Variants in EHHADH observed in about 807,000 individuals in gnomAD.
The protein encoded by EHHADH is peroxisomal bifunctional enzyme.
EHHADH carries 48 observed loss-of-function variants against 64.4 expected under a neutral mutation model. That is an observed-to-expected ratio of 0.75 (90% CI 0.59 to 0.95). EHHADH has a LOEUF of 0.95. Among genes scored for constraint, EHHADH ranks in the 40% least tolerant of loss-of-function variants. The pLI is 0.00. For missense variants in EHHADH, 854 were observed against 876.6 expected, an observed-to-expected ratio of 0.97 and a Z score of 0.33; for synonymous variants, 308 against 326.7, an observed-to-expected ratio of 0.94 and a Z score of 0.62.
chr3:185,245,983 A>G, intron 2 of EHHADH: 3 of 1,495,684 alleles, frequency 2.0e-6, no homozygotes, highest in Non-Finnish European at 1.9e-6. Flanking sequence ...ATGAGATACC[A>G]TCATCTTTTT....
chr3:185,225,091 C>A (rs920304285), intron 4 of EHHADH, among the ~76,000 whole-genome samples: 32 of 152,260 alleles, frequency 2.1e-4, no homozygotes, highest in Admixed American at 1.9e-3. Context: ...CTTAAAACAA[C>A]CATGTGGTTG....
Position 185,216,469 on chromosome 3 carries a change from A to G in EHHADH, c.568+1667T>C, listed in dbSNP as rs1718682683. On this transcript the variant is annotated intron_variant, in intron 5 of 6. Transcript: ENST00000231887. This position sits in a 1 kb window ranked among gnomAD's most constrained non-coding sequence, Gnocchi z 5.3. ...CTGTCAAGTGACTTCTAACAAAACA[A>G]TAAGCCCCCTCGGGAAGCACAATGA... Among the ~76,000 whole-genome samples the G allele has an allele frequency of 6.6e-6, 1 of 152,226 alleles. No homozygotes were observed.
intron 4 of EHHADH, among the ~76,000 whole-genome samples, chr3:185,229,087 C>T (rs986998640): frequency 1.3e-5 from 2 of 152,146 alleles, no homozygotes; most frequent in South Asian, 2.1e-4. Flanking sequence ...TGAGCCACTG[C>T]GTGCGGCCTA....
At chr3:185,237,279 T>G (rs751977236) in intron 2 of EHHADH, among the ~76,000 whole-genome samples, 34 of 152,224 alleles carry the variant, frequency 2.2e-4, no homozygotes, top group Non-Finnish European at 4.6e-4. Flanking sequence ...ATTATTTTGA[T>G]TTTTCTACAA....
chr3:185,220,090 G>T (rs1192162341), intron 4 of EHHADH, among the ~76,000 whole-genome samples: 2 of 152,068 alleles, frequency 1.3e-5, no homozygotes, highest in African/African-American at 4.8e-5. Context: ...ACACAAAATG[G>T]GACATGGAAA....
At position 185,248,448 on chromosome 3, in the gene EHHADH, A is replaced by C; in HGVS notation, c.144T>G (p.Ile48Met). 1.2e-6 allele frequency: 2 copies of C among 1,614,086 alleles called. No individual in the cohort carries two copies. Among genetic ancestry groups the C allele is most frequent in the Non-Finnish European group, 1.7e-6 (2 of 1,179,996 alleles). The change falls in exon 2 of 7, where the codon ATT becomes ATG. Residue 48 changes from isoleucine (I) to methionine (M), a missense_variant. By Grantham distance (10) the Ile-to-Met change is conservative. Coordinates refer to ENST00000231887, the MANE Select transcript of EHHADH (RefSeq NM_001966.4). ...ATTTGCCCTCTGCTCCACAAATCAC[A>C]ATGGCTTTTATTGTATGGTCTATTA... ...KAVIDHTIKA[I>M]VICGAEGKFS... is the part of the protein sequence containing the mutation.
chr3:185,240,218 G>GTTTTTTTTTTTTTTT (rs149367156), intron 2 of EHHADH, among the ~76,000 whole-genome samples: 2 of 144,780 alleles, frequency 1.4e-5, no homozygotes, highest in African/African-American at 2.5e-5. Flanking sequence ...TTGGCCTTTA[G>GTTTTTTTTTTTTTTT]TTTTTGTTTT....
intron 2 of EHHADH, chr3:185,248,138 T>G (rs1719646146): frequency 6.4e-6 from 2 of 313,560 alleles, no homozygotes; most frequent in African/African-American, 2.1e-5. Context: ...TGGAGATACA[T>G]GCAATGCAGG....
At chr3:185,227,362 G>A (rs1309969971) in intron 4 of EHHADH, among the ~76,000 whole-genome samples, 1 of 151,954 alleles carries the variant, frequency 6.6e-6, no homozygotes, top group African/African-American at 2.4e-5. Flanking sequence ...GAGAAACCCC[G>A]ACTCTACTAA....
At position 185,218,268 on chromosome 3, in the gene EHHADH, A is replaced by G. The variant is rs369360134; in HGVS notation, c.464-28T>C. On this transcript the variant is annotated intron_variant, in intron 4 of 6. Coordinates refer to ENST00000231887, the MANE Select transcript of EHHADH (RefSeq NM_001966.4). ...GAAATAAACAACAACAACAATAACA[A>G]CAAATCAAAGAGCGATGTAAGATTA... 7.5e-4 allele frequency: 1,134 copies of G among 1,521,286 alleles called. 13 individuals are homozygous for G. The highest frequency in any genetic ancestry group is 1.7e-4 in the Middle Eastern group (1 of 5,894). The allele number at this position is 1,521,286 out of a possible 1,614,324, so 94.2% of individuals were successfully genotyped here.
intron 2 of EHHADH, 84 bp downstream of exon 2, chr3:185,248,330 A>T (rs767131216): frequency 1.0e-6 from 1 of 988,038 alleles, no homozygotes; most frequent in Non-Finnish European, 1.6e-6. Context: ...CTAAGTTATT[A>T]CCAACAAGCA....
At chr3:185,253,801 GA>G (rs1006754662) in intron 1 of EHHADH, 147 bp downstream of exon 1, 61 of 1,286,786 alleles carry the variant, frequency 4.7e-5, no homozygotes, top group South Asian at 1.5e-4. Flanking sequence ...AGAAAGAAAA[GA>G]AAAAAAAAGT....
chr3:185,205,136 G>A (rs928254285), intron 5 of EHHADH, among the ~76,000 whole-genome samples: 7 of 151,122 alleles, frequency 4.6e-5, no homozygotes, highest in Non-Finnish European at 7.4e-5. Context: ...TAAGGAAAAC[G>A]GTTCTGAGTT....
At chr3:185,234,139 T>C (rs566426331) in intron 3 of EHHADH, among the ~76,000 whole-genome samples, 1 of 152,298 alleles carries the variant, frequency 6.6e-6, no homozygotes, top group African/African-American at 2.4e-5. Flanking sequence ...ATTTTCATCA[T>C]TAGAAAAATA....
rs758171902 is a variant in EHHADH, at chr3:185,204,572, C to T, written c.754G>A (p.Glu252Lys). Residue 252 changes from glutamate to lysine, a missense_variant, in exon 6 of 7, where the codon GAG becomes AAG. By Grantham distance (56) the Glu-to-Lys change is moderately conservative. Coordinates refer to ENST00000231887, the MANE Select transcript of EHHADH (RefSeq NM_001966.4). Reference protein sequence around the residue: ...QYPYEVGIKKEEELFLYLLQS... With the variant: ...QYPYEVGIKKKEELFLYLLQS... ...AAAAGATATAGAAACAGCTCCTCCT[C>T]CTTCTTGATGCCCACTTCATAGGGA... 6.2e-7 allele frequency: 1 copy of T among 1,614,226 alleles called. No individual in the cohort carries two copies. Among genetic ancestry groups the T allele is most frequent in the Non-Finnish European group, 8.5e-7 (1 of 1,180,032 alleles).
Position 185,192,312 on chromosome 3 carries a change from C to G in EHHADH, c.2086G>C (p.Asp696His). ...NPDIPQLEPS[D>H]YLKKLASQGN... The stretch of plus-strand genomic sequence containing the variant: ...TGAGAAGCCAGTTTTTTTAGATAGT[C>G]ACTTGGCTCCAGTTGGGGAATATCA... The change falls in exon 7 of 7, where the codon GAC becomes CAC. Residue 696 changes from aspartate to histidine, a missense_variant. By Grantham distance (81) the Asp-to-His change is moderately conservative. Transcript: ENST00000231887. 1 of 1,614,128 alleles carries G rather than the reference C, an allele frequency of 6.2e-7. No homozygotes were observed. The highest frequency in any genetic ancestry group is 8.5e-7 in the Non-Finnish European group (1 of 1,180,038).
At position 185,215,112 on chromosome 3, in the gene EHHADH, AT is replaced by A. The variant is rs914201276; in HGVS notation, c.568+3023del. On this transcript the variant is annotated intron_variant, in intron 5 of 6. Transcript: ENST00000231887. ...AAAATTAGTGTCTTTTAAATCACTGATTTTTTTATTAATAAATTTTAAAAAG... is the reference window on the plus strand; with the variant it reads ...AAAATTAGTGTCTTTTAAATCACTGATTTTTTATTAATAAATTTTAAAAAG... Among the ~76,000 whole-genome samples the A allele has an allele frequency of 4.6e-5, 7 of 152,180 alleles. No individual in the cohort carries two copies. In the South Asian group the frequency reaches 6.2e-4, roughly 14 times the overall value.
At chr3:185,227,374 A>T (rs1171526448) in intron 4 of EHHADH, among the ~76,000 whole-genome samples, 2 of 151,886 alleles carry the variant, frequency 1.3e-5, no homozygotes, top group Admixed American at 6.6e-5. Flanking sequence ...CTCTACTAAA[A>T]ATACAAAATT....
chr3:185,223,042 G>C (rs931240672), intron 4 of EHHADH, among the ~76,000 whole-genome samples: 9 of 152,120 alleles, frequency 5.9e-5, no homozygotes, highest in African/African-American at 1.9e-4. Context: ...TACAATCTCT[G>C]ATGCTATTTA....
Sources: allele counts gnomAD v4.1 joint callset (sites outside exome capture counted in the v4.1 genomes callset), GRCh38; gene constraint gnomAD v4.1.1; non-coding constraint Gnocchi (gnomAD v3.1); transcripts MANE v1.5; gene names NCBI Gene and HGNC (gene_info 2026-07-23, HGNC 2026-07-21).